Variants in OSMR observed in about 807,000 individuals in gnomAD.
OSMR encodes the protein oncostatin M receptor, also known as oncostatin-M-specific receptor subunit beta.
Under a neutral mutation model 99.9 loss-of-function variants are expected in OSMR, and 81 were observed. The ratio of observed to expected loss-of-function variants is 0.81; its 90% CI spans 0.68 to 0.97. The LOEUF is 0.97. Among genes scored for constraint, OSMR ranks in the 50% least tolerant of loss-of-function variants. The pLI, the probability that OSMR is intolerant of heterozygous loss-of-function variation, is 0.00. For missense variants in OSMR, 1,099 were observed against 1,153.4 expected, an observed-to-expected ratio of 0.95 and a Z score of 0.68; for synonymous variants, 406 against 410.4, an observed-to-expected ratio of 0.99 and a Z score of 0.13.
At chr5:38,921,395 A>G in intron 11 of OSMR, 1 of 730,972 alleles carries the variant, frequency 1.4e-6, no homozygotes. Flanking sequence ...GAAGGTCAAC[A>G]TGATGGGCAT....
At chr5:38,897,964 G>A (rs1744628387) in intron 7 of OSMR, among the ~76,000 whole-genome samples, 2 of 152,136 alleles carry the variant, frequency 1.3e-5, no homozygotes, top group African/African-American at 4.8e-5. Context: ...GACCAGAGAA[G>A]ATGCCTGATA....
In OSMR at chr5:38,846,267, C is replaced by T. The variant is rs1163041534; in HGVS notation, c.-134C>T. 6.6e-6 allele frequency: 1 copy of T among 152,258 alleles called. No individual in the cohort carries two copies. Among genetic ancestry groups the T allele is most frequent in the Non-Finnish European group, 1.5e-5 (1 of 68,094 alleles). 9.4% of individuals were successfully genotyped at this position (152,258 alleles called of 1,614,324 possible). A position where few individuals can be genotyped will look rare whatever the true frequency, so the allele number is the denominator to read the frequency against. The stretch of plus-strand genomic sequence containing the variant: ...CGCAGCCCATCCCGGCTGGACGCGA[C>T]CGGGAGTGCAGCAGCCCGTTCCCCT... On this transcript the variant is annotated 5_prime_UTR_variant, in exon 1 of 18. Transcript: ENST00000274276.
At chr5:38,879,410 G>A (rs369619364) in intron 3 of OSMR, among the ~76,000 whole-genome samples, 2 of 152,222 alleles carry the variant, frequency 1.3e-5, no homozygotes, top group South Asian at 2.1e-4. Context: ...AGCGGAATGT[G>A]GTGGGGAACT....
At chr5:38,923,972 A>C (rs910083816) in intron 13 of OSMR, among the ~76,000 whole-genome samples, 4 of 152,148 alleles carry the variant, frequency 2.6e-5, no homozygotes, top group African/African-American at 9.7e-5. Flanking sequence ...ACAACCTGGG[A>C]ACTAGAGTTC....
At chr5:38,941,333 T>A (rs1747551171) in intron 1 of OSMR, 2 of 231,652 alleles carry the variant, frequency 8.6e-6, no homozygotes, top group Admixed American at 5.6e-5. Flanking sequence ...ATGTTTTTTT[T>A]AAGGAAATAT....
chr5:38,861,736 C>T (rs1439459292), intron 1 of OSMR, among the ~76,000 whole-genome samples: 4 of 150,342 alleles, frequency 2.7e-5, no homozygotes, highest in East Asian at 2.0e-4. Flanking sequence ...GGGGGCTGGC[C>T]GGGCAGGGGA....
intron 15 of OSMR, among the ~76,000 whole-genome samples, chr5:38,929,280 G>A (rs1252267243): frequency 6.6e-6 from 1 of 152,110 alleles, no homozygotes; most frequent in Non-Finnish European, 1.5e-5. Flanking sequence ...TATTCTGTTG[G>A]TATTTTTCAA....
At chr5:38,857,806 T>C (rs1226990794) in intron 1 of OSMR, among the ~76,000 whole-genome samples, 1 of 152,156 alleles carries the variant, frequency 6.6e-6, no homozygotes, top group Non-Finnish European at 1.5e-5. Context: ...TAGCTGGGAC[T>C]ATGGAGGCGT....
At chr5:38,867,265 G>C (rs1330443916) in intron 1 of OSMR, among the ~76,000 whole-genome samples, 1 of 152,114 alleles carries the variant, frequency 6.6e-6, no homozygotes, top group Non-Finnish European at 1.5e-5. Flanking sequence ...GTTTGCAATT[G>C]GGCTTAGCTA....
chr5:38,925,287 T>C lies in OSMR; in HGVS notation c.2128T>C (p.Tyr710His). 6.2e-7 allele frequency: 1 copy of C among 1,614,124 alleles called. No homozygotes were observed. The highest frequency in any genetic ancestry group is 8.5e-7 in the Non-Finnish European group (1 of 1,179,986). The change falls in exon 15 of 18, where the codon TAT becomes CAT. Residue 710 changes from tyrosine (Y) to histidine (H), a missense_variant. Coordinates refer to ENST00000274276, the MANE Select transcript of OSMR (RefSeq NM_003999.3). Reference protein sequence around the residue: ...IVDNLKPESFYEFFITPFTSA... With the variant: ...IVDNLKPESFHEFFITPFTSA... ...GGACAACCTAAAGCCAGAATCCTTC[T>C]ATGAGTTTTTCATCACTCCATTCAC...
intron 9 of OSMR, among the ~76,000 whole-genome samples, chr5:38,913,071 A>C (rs1745687246): frequency 6.6e-6 from 1 of 152,182 alleles, no homozygotes; most frequent in East Asian, 1.9e-4. Context: ...ACAAAAATTG[A>C]CAAGTCAGAC....
At chr5:38,853,757 T>TA (rs1190526170) in intron 1 of OSMR, among the ~76,000 whole-genome samples, 1 of 152,188 alleles carries the variant, frequency 6.6e-6, no homozygotes, top group Non-Finnish European at 1.5e-5. Context: ...GTTGCGTTTT[T>TA]AAAAAATCAG....
At chr5:38,913,012 C>T (rs1745684009) in intron 9 of OSMR, among the ~76,000 whole-genome samples, 1 of 152,036 alleles carries the variant, frequency 6.6e-6, no homozygotes, top group African/African-American at 2.4e-5. Context: ...TGGACATTGG[C>T]CTTGGGAAAT....
At chr5:38,898,491 T>C (rs75484580) in intron 7 of OSMR, among the ~76,000 whole-genome samples, 2,852 of 152,306 alleles carry the variant, frequency 0.019, 43 homozygotes, top group Non-Finnish European at 0.032. Context: ...TGTGCCTTTA[T>C]AGGCTAAGTG....
intron 3 of OSMR, among the ~76,000 whole-genome samples, chr5:38,880,787 C>G (rs538450762): frequency 2.8e-4 from 42 of 152,308 alleles, no homozygotes; most frequent in Non-Finnish European, 5.6e-4. Flanking sequence ...TATAGAAGGC[C>G]TTGCATGACA....
Position 38,933,425 on chromosome 5 carries a change from C to A in OSMR, c.2921C>A (p.Pro974Gln). The A allele has an allele frequency of 6.2e-7, 1 of 1,614,082 alleles. No homozygotes were observed. Among genetic ancestry groups the A allele is most frequent in the Non-Finnish European group, 8.5e-7 (1 of 1,179,964 alleles). ...SSLSSITLLDPGEHYC is the reference protein window; with the variant it reads ...SSLSSITLLDQGEHYC ...CTCTCCTCAATTACCCTTTTAGATC[C>A]AGGTGAACACTACTGCTAACCAGCA... The change falls in exon 18 of 18, where the codon CCA becomes CAA. Residue 974 changes from proline (P) to glutamine (Q), a missense_variant. Physicochemically the swap from Pro to Gln is moderately conservative, Grantham distance 76 (BLOSUM62 -1). Transcript: ENST00000274276.
chr5:38,890,631 G>A (rs1477688044), intron 7 of OSMR, among the ~76,000 whole-genome samples: 1 of 148,956 alleles, frequency 6.7e-6, no homozygotes, highest in Admixed American at 6.7e-5. Context: ...TATCTTGGCT[G>A]AAATGCCTTA....
intron 7 of OSMR, 178 bp downstream of exon 7, chr5:38,886,368 T>C: frequency 7.0e-7 from 1 of 1,419,884 alleles, no homozygotes; most frequent in Non-Finnish European, 9.2e-7. Flanking sequence ...TCCCCTATTA[T>C]TTGTTTCTTT....
intron 1 of OSMR, among the ~76,000 whole-genome samples, chr5:38,852,921 C>T (rs1244848843): frequency 1.3e-5 from 2 of 151,324 alleles, no homozygotes; most frequent in African/African-American, 4.9e-5. Context: ...TTAGTAGAGA[C>T]GGGGTTTCAC....
Sources: allele counts gnomAD v4.1 joint callset (sites outside exome capture counted in the v4.1 genomes callset), GRCh38; gene constraint gnomAD v4.1.1; transcripts MANE v1.5; gene names NCBI Gene and HGNC (gene_info 2026-07-23, HGNC 2026-07-21).